The following ADGRE2 variants were observed in gnomAD, a reference collection of about 807,000 sequenced individuals.
The protein encoded by ADGRE2 is CD97 antigen.
ADGRE2 carries 83 observed loss-of-function variants against 100.8 expected under a neutral mutation model. The observed-to-expected ratio is 0.82, with a 90% CI of 0.69 to 0.99. ADGRE2 has a LOEUF of 0.99. Ranked by LOEUF, ADGRE2 falls within the 50% of genes least tolerant of loss-of-function variation. ADGRE2 has a pLI of 0.00. For missense variants in ADGRE2, 814 were observed against 1,035.7 expected (o/e 0.79, Z 2.94); for synonymous variants, 355 against 413.0 (o/e 0.86, Z 1.70).
rs760130506 is a variant in ADGRE2, at chr19:14,773,923, C to T, written c.199+15G>A. On this transcript the variant is annotated intron_variant, in intron 4 of 20. Coordinates refer to ENST00000315576, the MANE Select transcript of ADGRE2 (RefSeq NM_013447.4). The stretch of plus-strand genomic sequence containing the variant: ...AATCGCAGATGTCCCCTGCGCTGCC[C>T]TCAAGCCTCTGTACCGTCACAAGTC... 20 of 1,612,772 alleles carry T rather than the reference C, an allele frequency of 1.2e-5. No homozygotes were observed. In the South Asian group the frequency reaches 1.8e-4, roughly 14 times the overall value.
At chr19:14,759,815 ATTTTTTTT>A (rs71333311) in intron 11 of ADGRE2, among the ~76,000 whole-genome samples, 5 of 95,534 alleles carry the variant, frequency 5.2e-5, no homozygotes, top group Non-Finnish European at 7.9e-5. Context: ...TATTAAGCAG[ATTTTTTTT>A]TTTTTTTTTT....
chr19:14,743,954 C>T (rs895462124), intron 18 of ADGRE2, among the ~76,000 whole-genome samples, 170 bp from the exon 19 acceptor site: 6 of 152,106 alleles, frequency 3.9e-5, no homozygotes, highest in Non-Finnish European at 7.4e-5. Context: ...GAAATGCCAC[C>T]TGGGGTTGGC....
At chr19:14,751,723 C>T in intron 15 of ADGRE2, 52 bp from the exon 16 acceptor site, 1 of 1,334,746 alleles carries the variant, frequency 7.5e-7, no homozygotes, top group East Asian at 2.3e-5. Flanking sequence ...TGAGTGTGGC[C>T]CATGGCTTCT....
intron 20 of ADGRE2, among the ~76,000 whole-genome samples, chr19:14,736,770 ATATAGATATTTAGAAG>A (rs1293652394): frequency 1.5e-4 from 21 of 140,202 alleles, no homozygotes; most frequent in African/African-American, 4.8e-4. Flanking sequence ...ATATTTAGAA[ATATAGATATTTAGAAG>A]TATAGATATT....
chr19:14,763,600 CT>C (rs1406704906), intron 11 of ADGRE2, among the ~76,000 whole-genome samples: 1 of 146,684 alleles, frequency 6.8e-6, no homozygotes, highest in African/African-American at 2.5e-5. Context: ...TCTTCCTCTA[CT>C]CCTCTCCTCC....
In ADGRE2 at chr19:14,743,446, T is replaced by A. The variant is rs758950184; in HGVS notation, c.2437A>T (p.Lys813Ter). The change falls in exon 20 of 21, where the codon AAG becomes TAG. Residue 813 changes from lysine to a stop codon, truncating the protein, a stop_gained. Transcript: ENST00000315576. LOFTEE classifies it high-confidence loss of function. ...SEMHTLSSSA[K>*]ADTSKPSTVN Reference sequence around the variant, plus strand: ...GTGCTGGGTTTGGAGGTGTCAGCCTTAGCACTGCTGGAGAGTGTGTGCATC... The same window carrying A: ...GTGCTGGGTTTGGAGGTGTCAGCCTAAGCACTGCTGGAGAGTGTGTGCATC... 1 of 1,614,058 alleles carries A rather than the reference T, an allele frequency of 6.2e-7. No homozygotes were observed. The highest frequency in any genetic ancestry group is 8.5e-7 in the Non-Finnish European group (1 of 1,180,020).
chr19:14,770,669 CTTTTTTTT>C (rs775214778), intron 5 of ADGRE2, among the ~76,000 whole-genome samples: 38 of 85,010 alleles, frequency 4.5e-4, no homozygotes, highest in East Asian at 1.3e-3. Context: ...TCTTTCTTTT[CTTTTTTTT>C]TTTTTTTTTT....
chr19:14,773,738 C>G (rs2044310663), intron 4 of ADGRE2, among the ~76,000 whole-genome samples, 200 bp downstream of exon 4: 1 of 151,394 alleles, frequency 6.6e-6, no homozygotes, highest in African/African-American at 2.4e-5. Flanking sequence ...TCTTGAATTC[C>G]TGGCCTCAAA....
rs764899381 is a variant in ADGRE2 at position 14,766,316 on chromosome 19, C to A, written c.553G>T (p.Gly185Cys). The change falls in exon 7 of 21, where the codon GGC (glycine) becomes TGC (cysteine). Residue 185 changes from glycine to cysteine, a missense_variant. Gly to Cys is a radical substitution (Grantham distance 159). Transcript: ENST00000315576. Reference protein sequence around the residue: ...HSSTHCLNNVGSYQCRCRPGW... With the variant: ...HSSTHCLNNVCSYQCRCRPGW... ...GGGCGGCAGCGGCACTGATAGCTGC[C>A]CACGTTGTTGAGGCAGTGGGTGGAG... The A allele has an allele frequency of 6.2e-7, 1 of 1,614,062 alleles. No individual in the cohort carries two copies. The highest frequency in any genetic ancestry group is 8.5e-7 in the Non-Finnish European group (1 of 1,180,016).
intron 11 of ADGRE2, among the ~76,000 whole-genome samples, chr19:14,762,539 T>G (rs1165107243): frequency 1.3e-5 from 2 of 152,148 alleles, no homozygotes; most frequent in Non-Finnish European, 2.9e-5. Flanking sequence ...TTTGGGCTGA[T>G]GCAAGCATTT....
intron 2 of ADGRE2, among the ~76,000 whole-genome samples, chr19:14,776,011 C>T (rs1382732905): frequency 6.6e-6 from 1 of 152,086 alleles, no homozygotes; most frequent in African/African-American, 2.4e-5. Flanking sequence ...TATTTCACCC[C>T]GGGCGCCCCT....
intron 14 of ADGRE2, 78 bp from the exon 15 acceptor site, chr19:14,752,604 T>G: frequency 2.7e-6 from 4 of 1,508,452 alleles, no homozygotes; most frequent in South Asian, 2.4e-5. Context: ...TTAAAATTTT[T>G]ACTTTGGCAT....
intron 20 of ADGRE2, among the ~76,000 whole-genome samples, chr19:14,739,701 C>T (rs936869626): frequency 6.6e-6 from 1 of 152,046 alleles, no homozygotes; most frequent in East Asian, 1.9e-4. Flanking sequence ...TTTGTAGATA[C>T]GGTTATGAAA....
intron 20 of ADGRE2, among the ~76,000 whole-genome samples, chr19:14,737,098 C>G (rs2042780677): frequency 6.6e-6 from 1 of 150,408 alleles, no homozygotes; most frequent in Non-Finnish European, 1.5e-5. Flanking sequence ...ATTTTATTAT[C>G]TATATGTATC....
At chr19:14,774,341 T>C (rs2044337308) in intron 2 of ADGRE2, 35 bp from the exon 3 acceptor site, 1 of 1,367,874 alleles carries the variant, frequency 7.3e-7, no homozygotes, top group Non-Finnish European at 9.9e-7. Flanking sequence ...TCAGAGGGGA[T>C]CCCAGGGTGG....
downstream of ADGRE2, chr19:14,731,045 C>T (rs2042666851): frequency 8.1e-6 from 6 of 737,646 alleles, no homozygotes; most frequent in East Asian, 1.6e-4. Context: ...CATTCATAGG[C>T]AGTCCCTTAC....
At chr19:14,727,988 T>G (rs2042644108), downstream of ADGRE2, among the ~76,000 whole-genome samples, 2 of 152,194 alleles carry the variant, frequency 1.3e-5, no homozygotes, top group South Asian at 4.1e-4. Flanking sequence ...TTTGGGAGGC[T>G]GAGACAGGTG....
rs1395199840 is a variant in ADGRE2 at position 14,738,327 on chromosome 19, A to G, written c.2464-2083T>C. Among the ~76,000 whole-genome samples the G allele has an allele frequency of 2.0e-5, 3 of 152,350 alleles. No individual in the cohort carries two copies. In the East Asian group the frequency reaches 5.8e-4, roughly 29 times the overall value. On this transcript the variant is annotated intron_variant, in intron 20 of 20. Transcript: ENST00000315576. The stretch of plus-strand genomic sequence containing the variant: ...CCAGGTGGGAAATTAATGAAATGTT[A>G]GAAGTGTTATCTATTGTTAACCACA...
chr19:14,772,654 G>T (rs946245017), intron 4 of ADGRE2, among the ~76,000 whole-genome samples, 157 bp from the exon 5 acceptor site: 2 of 150,426 alleles, frequency 1.3e-5, no homozygotes, highest in African/African-American at 4.9e-5. Flanking sequence ...GCTGGAGCAG[G>T]CCATTCCTGA....
Sources: allele counts gnomAD v4.1 joint callset (sites outside exome capture counted in the v4.1 genomes callset), GRCh38; gene constraint gnomAD v4.1.1; transcripts MANE v1.5; gene names NCBI Gene and HGNC (gene_info 2026-07-23, HGNC 2026-07-21).